LRRFIP1: variants seen among roughly 807,000 people sequenced by gnomAD.
LRRFIP1 encodes leucine-rich repeat flightless-interacting protein 1.
Under a neutral mutation model 104.4 loss-of-function variants are expected in LRRFIP1, and 62 were observed. The observed-to-expected ratio is 0.59, with a 90% CI of 0.48 to 0.73. LRRFIP1 has a LOEUF of 0.73. Ranked by LOEUF, LRRFIP1 falls within the 30% of genes least tolerant of loss-of-function variation. The pLI, the probability that LRRFIP1 is intolerant of heterozygous loss-of-function variation, is 0.00. For missense variants in LRRFIP1, 796 were observed against 824.5 expected, an observed-to-expected ratio of 0.97 and a Z score of 0.42; for synonymous variants, 300 against 299.0, an observed-to-expected ratio of 1.00 and a Z score of -0.03.
Position 237,717,881 on chromosome 2 carries a change from T to A in LRRFIP1, c.249+72T>A. ...AATACAGTGTTGAGACTTAAATGGT[T>A]TATAATGTAATTCTTACGCAGTTTA... On this transcript the variant is annotated intron_variant, in intron 4 of 23. Coordinates refer to ENST00000308482, the MANE Select transcript of LRRFIP1 (RefSeq NM_001137550.2). This position sits in a 1 kb window ranked among gnomAD's most constrained non-coding sequence, Gnocchi z 4.2. 8.8e-7 allele frequency: 1 copy of A among 1,137,132 alleles called. No individual in the cohort carries two copies. Among genetic ancestry groups the A allele is most frequent in the Non-Finnish European group, 1.3e-6 (1 of 744,526 alleles). 70.4% of individuals were successfully genotyped at this position (1,137,132 alleles called of 1,614,324 possible). A position where few individuals can be genotyped will look rare whatever the true frequency, so the allele number is the denominator to read the frequency against.
intron 4 of LRRFIP1, among the ~76,000 whole-genome samples, chr2:237,718,441 C>T (rs1010381177): frequency 6.6e-6 from 1 of 152,224 alleles, no homozygotes; most frequent in Non-Finnish European, 1.5e-5. Flanking sequence ...GAGAGCTAGC[C>T]TGCCCCTGAT....
intron 1 of LRRFIP1, among the ~76,000 whole-genome samples, chr2:237,681,678 C>CTTTTTTTTTTTTTTTTTTTTTTTTT (rs1172576547): frequency 2.2e-5 from 1 of 44,908 alleles, no homozygotes. Context: ...CAGTCCTATT[C>CTTTTTTTTTTTTTTTTTTTTTTTTT]TTTTTTTTTT....
At chr2:237,665,529 A>G (rs991353078) in intron 1 of LRRFIP1, among the ~76,000 whole-genome samples, 1 of 152,258 alleles carries the variant, frequency 6.6e-6, no homozygotes, top group African/African-American at 2.4e-5. Context: ...CAAAATATTT[A>G]AAATTGGGGT....
chr2:237,747,151 G>A (rs923501702), intron 11 of LRRFIP1, among the ~76,000 whole-genome samples: 1 of 152,238 alleles, frequency 6.6e-6, no homozygotes, highest in Non-Finnish European at 1.5e-5. Context: ...TGGCCACCCT[G>A]AGCTAAGAGC....
chr2:237,773,700 G>A (rs918568787), intron 22 of LRRFIP1, among the ~76,000 whole-genome samples: 1 of 152,130 alleles, frequency 6.6e-6, no homozygotes, highest in Non-Finnish European at 1.5e-5. Context: ...CTGGGCCCTA[G>A]GGCAATTTGT....
intron 19 of LRRFIP1, chr2:237,763,476 T>G (rs904004095): frequency 7.4e-6 from 12 of 1,613,214 alleles, no homozygotes; most frequent in Non-Finnish European, 9.3e-6. Flanking sequence ...GTAGAAACCC[T>G]TAAAGATGTT....
chr2:237,757,531 A>G lies in LRRFIP1; in HGVS notation c.1207A>G (p.Lys403Glu). 1 of 1,580,860 alleles carries G rather than the reference A, an allele frequency of 6.3e-7. No homozygotes were observed. Among genetic ancestry groups the G allele is most frequent in the Non-Finnish European group, 8.6e-7 (1 of 1,162,426 alleles). Residue 403 changes from lysine to glutamate, a missense_variant, in exon 17 of 24, where the codon AAA becomes GAA. Lys to Glu is a moderately conservative substitution (Grantham distance 56, BLOSUM62 1). Coordinates refer to ENST00000308482, the MANE Select transcript of LRRFIP1 (RefSeq NM_001137550.2). ...ISDLQETIEW[K>E]DKKIGALERQ... is the part of the protein sequence containing the mutation. ...TGATCTTCAGGAAACAATAGAGTGG[A>G]AAGACAAAAAGATAGGGGTAGGATT...
chr2:237,677,099 T>C (rs1011345997), intron 1 of LRRFIP1, among the ~76,000 whole-genome samples: 2 of 152,234 alleles, frequency 1.3e-5, no homozygotes, highest in Non-Finnish European at 2.9e-5. Context: ...TGACATCAAG[T>C]ATACTCACCC....
At chr2:237,720,943 C>G in intron 6 of LRRFIP1, 121 bp downstream of exon 6, 1 of 825,464 alleles carries the variant, frequency 1.2e-6, no homozygotes, top group Non-Finnish European at 2.1e-6. Flanking sequence ...CAATATTTAA[C>G]CGATGAGATG....
rs145427881 is a variant in LRRFIP1, at chr2:237,760,361, C to T, written c.1459+156C>T. On this transcript the variant is annotated intron_variant, in intron 19 of 23. Transcript: ENST00000308482. ...CTTCATGGTAATTTCCTTGCCCACC[C>T]GGTGTGGTCACCCACGTGTTGTCTG... 2.3e-4 allele frequency among the ~76,000 whole-genome samples: 35 copies of T among 152,334 alleles called. No homozygotes were observed. In the East Asian group the frequency reaches 5.4e-3, roughly 23 times the overall value.
chr2:237,704,696 G>A (rs977761238), intron 1 of LRRFIP1, among the ~76,000 whole-genome samples: 1 of 152,176 alleles, frequency 6.6e-6, no homozygotes, highest in South Asian at 2.1e-4. Context: ...GATCGTAAGG[G>A]GGGTAGATGT....
At chr2:237,633,827 C>G (rs1475171310) in intron 1 of LRRFIP1, among the ~76,000 whole-genome samples, 1 of 152,120 alleles carries the variant, frequency 6.6e-6, no homozygotes, top group Non-Finnish European at 1.5e-5. Flanking sequence ...CCCTCAGCTC[C>G]CTCCAAGACC....
At chr2:237,742,455 TC>T (rs2057244278) in intron 11 of LRRFIP1, among the ~76,000 whole-genome samples, 1 of 152,166 alleles carries the variant, frequency 6.6e-6, no homozygotes, top group Non-Finnish European at 1.5e-5. Context: ...GCAGGGCAGT[TC>T]CCTCGCGGAT....
At chr2:237,708,269 C>G (rs983036888) in intron 1 of LRRFIP1, among the ~76,000 whole-genome samples, 1 of 152,232 alleles carries the variant, frequency 6.6e-6, no homozygotes, top group African/African-American at 2.4e-5. Context: ...ACAGTCTCGG[C>G]CTAATGAGGC....
chr2:237,724,335 T>C (rs1441506404), intron 7 of LRRFIP1, among the ~76,000 whole-genome samples: 2 of 152,266 alleles, frequency 1.3e-5, no homozygotes, highest in Non-Finnish European at 2.9e-5. Context: ...CTTCATTTGC[T>C]CCAGTGCATT....
chr2:237,642,451 G>C (rs2084140007), intron 1 of LRRFIP1, among the ~76,000 whole-genome samples: 1 of 152,022 alleles, frequency 6.6e-6, no homozygotes, highest in Non-Finnish European at 1.5e-5. Flanking sequence ...CCAGGCTCCA[G>C]GCTCCAGGTT....
chr2:237,684,854 A>G (rs1422736881), intron 1 of LRRFIP1, among the ~76,000 whole-genome samples: 1 of 151,796 alleles, frequency 6.6e-6, no homozygotes, highest in Non-Finnish European at 1.5e-5. Context: ...TGGGAGGCCA[A>G]GGTTAGTGGA....
At chr2:237,724,225 CAGAA>C (rs2094648602) in intron 7 of LRRFIP1, among the ~76,000 whole-genome samples, 1 of 152,140 alleles carries the variant, frequency 6.6e-6, no homozygotes, top group Non-Finnish European at 1.5e-5. Flanking sequence ...AAAAAGTTCT[CAGAA>C]AGCACAGCTC....
chr2:237,749,389 A>T (rs1339955657), intron 13 of LRRFIP1, 65 bp downstream of exon 13: 10 of 1,340,272 alleles, frequency 7.5e-6, no homozygotes, highest in Admixed American at 2.6e-5. Context: ...CTTTAGATTA[A>T]AAAAAAAAAA....
Sources: gnomAD v4.1 joint callset for allele counts (sites outside exome capture counted in the v4.1 genomes callset) on GRCh38, gnomAD v4.1.1 for gene constraint, Gnocchi (gnomAD v3.1) non-coding constraint, MANE v1.5 for transcripts, NCBI Gene and HGNC (gene_info 2026-07-23, HGNC 2026-07-21) for gene names.